PAN3: variants seen among roughly 807,000 people sequenced by gnomAD.
PAN3 encodes poly(A) specific ribonuclease subunit PAN3.
PAN3 carries 19 observed loss-of-function variants against 96.2 expected under a neutral mutation model. That is an observed-to-expected ratio of 0.20 (90% confidence interval 0.14 to 0.29). The LOEUF (loss-of-function observed/expected upper bound fraction) is 0.29, where lower values mean the gene tolerates loss of function less well. PAN3 is among the 10% of genes least tolerant of loss of function. The pLI is 1.00. For synonymous variants in PAN3, 433 were observed against 406.6 expected, an observed-to-expected ratio of 1.06 and a Z score of -0.78; for missense variants, 882 against 1,108.1, an observed-to-expected ratio of 0.80 and a Z score of 2.90.
intron 1 of PAN3, among the ~76,000 whole-genome samples, chr13:28,170,739 G>A (rs970575918): frequency 6.6e-6 from 1 of 152,052 alleles, no homozygotes; most frequent in Admixed American, 6.6e-5. Context: ...CATCATTACT[G>A]TGAAAATAAC....
At chr13:28,245,880 ATTATGTGGATATATC>A (rs983559119) in intron 6 of PAN3, among the ~76,000 whole-genome samples, 31 of 152,254 alleles carry the variant, frequency 2.0e-4, no homozygotes, top group African/African-American at 7.5e-4. Context: ...ATAATATTCC[ATTATGTGGATATATC>A]ATATTTTGTT....
intron 5 of PAN3, among the ~76,000 whole-genome samples, chr13:28,204,468 C>T: frequency 6.6e-6 from 1 of 152,120 alleles, no homozygotes; most frequent in East Asian, 1.9e-4. Flanking sequence ...TCCAGTTTTA[C>T]CTTATCACCT....
chr13:28,186,874 A>G (rs1289846937), intron 4 of PAN3, among the ~76,000 whole-genome samples: 1 of 152,138 alleles, frequency 6.6e-6, no homozygotes, highest in Non-Finnish European at 1.5e-5. Flanking sequence ...AACTTTAATG[A>G]TCATTACAAT....
At chr13:28,201,201 A>T (rs1412670241) in intron 5 of PAN3, among the ~76,000 whole-genome samples, 40 of 133,982 alleles carry the variant, frequency 3.0e-4, no homozygotes, top group African/African-American at 9.0e-4. Flanking sequence ...CACCCACCTA[A>T]TTTTTTTTTT....
intron 4 of PAN3, among the ~76,000 whole-genome samples, chr13:28,184,529 A>T (rs1295522412): frequency 6.6e-6 from 1 of 152,098 alleles, no homozygotes; most frequent in Non-Finnish European, 1.5e-5. Context: ...TTCTTTTTCC[A>T]CTTAAGTGAT....
At chr13:28,267,715 T>A (rs1886301371) in intron 12 of PAN3, among the ~76,000 whole-genome samples, 1 of 152,096 alleles carries the variant, frequency 6.6e-6, no homozygotes, top group Non-Finnish European at 1.5e-5. Context: ...TAAAAGGGGT[T>A]TCCCCCTGTA....
intron 6 of PAN3, among the ~76,000 whole-genome samples, chr13:28,234,033 A>G (rs1471604191): frequency 1.3e-5 from 2 of 152,184 alleles, no homozygotes; most frequent in Non-Finnish European, 2.9e-5. Flanking sequence ...TTTCAGTTCT[A>G]TAAATGTCTT....
At chr13:28,275,584 T>C (rs1886989150) in intron 14 of PAN3, among the ~76,000 whole-genome samples, 1 of 152,244 alleles carries the variant, frequency 6.6e-6, no homozygotes, top group Non-Finnish European at 1.5e-5. Flanking sequence ...TTGGCATTTA[T>C]ATGCACTGAT....
chr13:28,147,000 A>G (rs1043139932), intron 1 of PAN3, among the ~76,000 whole-genome samples: 1 of 152,020 alleles, frequency 6.6e-6, no homozygotes, highest in African/African-American at 2.4e-5. Flanking sequence ...AAGGAAAAGA[A>G]AAAAATAGAA....
At chr13:28,144,931 G>A (rs1190526971) in intron 1 of PAN3, among the ~76,000 whole-genome samples, 1 of 151,444 alleles carries the variant, frequency 6.6e-6, no homozygotes, top group East Asian at 2.0e-4. Context: ...TCTTGGCCAG[G>A]CTGGTCTTGA....
chr13:28,243,766 G>C (rs1883899444), intron 6 of PAN3, among the ~76,000 whole-genome samples: 1 of 152,112 alleles, frequency 6.6e-6, no homozygotes, highest in East Asian at 1.9e-4. Context: ...TCGGCTCCCT[G>C]TGAAGCCCGC....
intron 17 of PAN3, among the ~76,000 whole-genome samples, chr13:28,281,980 A>G (rs1376341796): frequency 6.6e-6 from 1 of 152,152 alleles, no homozygotes. Flanking sequence ...CATGTTGGCC[A>G]GGGTGGTCTG....
chr13:28,219,072 T>A (rs1881111832), intron 5 of PAN3, among the ~76,000 whole-genome samples: 1 of 152,174 alleles, frequency 6.6e-6, no homozygotes. Flanking sequence ...TCTCCAGAAA[T>A]CAAGGAATTG....
intron 6 of PAN3, among the ~76,000 whole-genome samples, chr13:28,249,628 T>G (rs1046760059): frequency 2.6e-5 from 4 of 152,110 alleles, no homozygotes; most frequent in Non-Finnish European, 5.9e-5. Context: ...TTTTGTATTT[T>G]TAGTAGAGAC....
At chr13:28,162,867 TA>T (rs879463993) in intron 1 of PAN3, among the ~76,000 whole-genome samples, 155 of 137,790 alleles carry the variant, frequency 1.1e-3, no homozygotes, top group East Asian at 4.6e-3. Context: ...CCACCAAGCT[TA>T]AAAAAAAAAA....
At chr13:28,165,184 G>T (rs1593391246) in intron 1 of PAN3, among the ~76,000 whole-genome samples, 1 of 152,114 alleles carries the variant, frequency 6.6e-6, no homozygotes. Flanking sequence ...GGGATTACAG[G>T]CGTGAGCTAA....
intron 5 of PAN3, among the ~76,000 whole-genome samples, chr13:28,207,555 C>A (rs1279845757): frequency 6.6e-6 from 1 of 152,130 alleles, no homozygotes; most frequent in Non-Finnish European, 1.5e-5. Context: ...CTTGCTTCTC[C>A]TTTGGCTATT....
intron 1 of PAN3, among the ~76,000 whole-genome samples, chr13:28,173,175 G>C (rs926495701): frequency 1.3e-5 from 2 of 152,198 alleles, no homozygotes; most frequent in African/African-American, 4.8e-5. Context: ...AGTTTCAAGA[G>C]ATGAGCACAT....
At chr13:28,150,486 G>C (rs1192355391) in intron 1 of PAN3, among the ~76,000 whole-genome samples, 1 of 151,726 alleles carries the variant, frequency 6.6e-6, no homozygotes, top group Non-Finnish European at 1.5e-5. Flanking sequence ...TTAGCCAGGC[G>C]TGGTGGCGGG....
Sources: allele counts gnomAD v4.1 joint callset (sites outside exome capture counted in the v4.1 genomes callset), GRCh38; gene constraint gnomAD v4.1.1; transcripts MANE v1.5; gene names NCBI Gene and HGNC (gene_info 2026-07-23, HGNC 2026-07-21).